Variants in ITSN1 observed in about 807,000 individuals in gnomAD.
ITSN1 encodes intersectin 1.
ITSN1 carries 58 observed loss-of-function variants against 239.8 expected under a neutral mutation model. That is an observed-to-expected ratio of 0.24 (90% CI 0.20 to 0.30). The LOEUF is 0.30. Ranked by LOEUF, ITSN1 falls within the 10% of genes least tolerant of loss-of-function variation. ITSN1 has a pLI of 1.00. For missense variants in ITSN1, 1,558 were observed against 2,103.3 expected (o/e 0.74, Z 5.07); for synonymous variants, 780 against 770.8 (o/e 1.01, Z -0.20).
intron 1 of ITSN1, among the ~76,000 whole-genome samples, chr21:33,645,602 A>T (rs895705514): frequency 6.6e-6 from 1 of 152,172 alleles, no homozygotes; most frequent in Non-Finnish European, 1.5e-5. Context: ...GTGAGCCATG[A>T]TTGCCCTACT....
intron 31 of ITSN1, among the ~76,000 whole-genome samples, chr21:33,862,164 C>CAAAAAAAAA (rs59129090): frequency 1.3e-5 from 1 of 79,818 alleles, no homozygotes; most frequent in African/African-American, 5.4e-5. Context: ...GACTGTGTCA[C>CAAAAAAAAA]AAAAAAAAAA....
At chr21:33,723,053 GAGTT>G (rs1194748444) in intron 4 of ITSN1, among the ~76,000 whole-genome samples, 1 of 152,168 alleles carries the variant, frequency 6.6e-6, no homozygotes, top group Non-Finnish European at 1.5e-5. Context: ...AAATATTTGA[GAGTT>G]AGTGCATGGT....
intron 1 of ITSN1, among the ~76,000 whole-genome samples, chr21:33,694,443 AT>A (rs2091700859): frequency 6.6e-6 from 1 of 152,182 alleles, no homozygotes; most frequent in Admixed American, 6.5e-5. Flanking sequence ...ATATCTTTGT[AT>A]TTTGGATTAT....
intron 4 of ITSN1, among the ~76,000 whole-genome samples, chr21:33,724,753 C>G (rs1355813066): frequency 6.6e-6 from 1 of 152,120 alleles, no homozygotes; most frequent in Non-Finnish European, 1.5e-5. Context: ...AATAACAACA[C>G]AAAAATTGTC....
intron 1 of ITSN1, among the ~76,000 whole-genome samples, chr21:33,663,277 G>A (rs2089692784): frequency 6.6e-6 from 1 of 152,188 alleles, no homozygotes; most frequent in African/African-American, 2.4e-5. Context: ...GTTTTATTAT[G>A]AGATATATTA....
At chr21:33,669,485 G>A (rs1245531335) in intron 1 of ITSN1, among the ~76,000 whole-genome samples, 1 of 151,252 alleles carries the variant, frequency 6.6e-6, no homozygotes, top group Non-Finnish European at 1.5e-5. Context: ...TGTCACCCAG[G>A]CTGGAGTGTC....
At chr21:33,837,639 T>C (rs2074668380) in intron 29 of ITSN1, 1 of 985,910 alleles carries the variant, frequency 1.0e-6, no homozygotes, top group South Asian at 4.7e-5. Context: ...CAGCTGTACC[T>C]TGTTGAGCAT....
chr21:33,656,922 T>C (rs986946181), intron 1 of ITSN1, among the ~76,000 whole-genome samples: 2 of 152,150 alleles, frequency 1.3e-5, no homozygotes, highest in African/African-American at 2.4e-5. Context: ...GGTTTTACCA[T>C]GTTGGCCAGG....
At chr21:33,754,501 G>T (rs1193556599) in intron 7 of ITSN1, among the ~76,000 whole-genome samples, 1 of 152,182 alleles carries the variant, frequency 6.6e-6, no homozygotes, top group Non-Finnish European at 1.5e-5. Context: ...TCTGAGCTCA[G>T]CCATTGGGTT....
intron 11 of ITSN1, among the ~76,000 whole-genome samples, chr21:33,769,663 C>A (rs1276482376): frequency 6.6e-6 from 1 of 151,458 alleles, no homozygotes; most frequent in African/African-American, 2.4e-5. Flanking sequence ...GGAGACAGAT[C>A]TCTCCTCTCT....
chr21:33,871,778 G>A (rs149117382), intron 33 of ITSN1, among the ~76,000 whole-genome samples: 1 of 151,988 alleles, frequency 6.6e-6, no homozygotes, highest in Non-Finnish European at 1.5e-5. Context: ...AGAACTTGAA[G>A]TTGCTGAGAG....
At chr21:33,718,922 G>A in intron 2 of ITSN1, 66 bp downstream of exon 2, 1 of 1,241,844 alleles carries the variant, frequency 8.1e-7, no homozygotes, top group Non-Finnish European at 1.2e-6. Context: ...TTGATATTAT[G>A]GCAAATTTAA....
intron 33 of ITSN1, among the ~76,000 whole-genome samples, chr21:33,867,539 G>T (rs1417424681): frequency 1.3e-5 from 2 of 151,930 alleles, no homozygotes; most frequent in East Asian, 3.9e-4. Flanking sequence ...GGTGGCCCGC[G>T]CCTGTAATCC....
At chr21:33,842,168 T>C (rs1017311191) in intron 29 of ITSN1, among the ~76,000 whole-genome samples, 5 of 152,052 alleles carry the variant, frequency 3.3e-5, no homozygotes, top group Non-Finnish European at 7.4e-5. Context: ...GTGCTGGGAT[T>C]ACAGGCGTGA....
intron 4 of ITSN1, among the ~76,000 whole-genome samples, chr21:33,724,342 A>T (rs2065687458): frequency 6.6e-6 from 1 of 152,222 alleles, no homozygotes; most frequent in Admixed American, 6.5e-5. Flanking sequence ...GTAAAGTAAG[A>T]TGCTCAGATG....
intron 4 of ITSN1, among the ~76,000 whole-genome samples, chr21:33,731,608 C>T (rs2066188344): frequency 3.9e-5 from 6 of 152,110 alleles, no homozygotes; most frequent in Admixed American, 3.9e-4. Flanking sequence ...GAAAAGAATA[C>T]ACAATGACCA....
intron 29 of ITSN1, chr21:33,836,848 T>C: frequency 1.6e-6 from 1 of 620,542 alleles, no homozygotes; most frequent in Non-Finnish European, 2.8e-6. Flanking sequence ...GCATGTCCCC[T>C]CCCTCCCCTC....
In ITSN1 at chr21:33,875,204, T is replaced by C. The variant is rs1050084943; in HGVS notation, c.4174-150T>C. On this transcript the variant is annotated intron_variant, in intron 33 of 39. Coordinates refer to ENST00000381318, the MANE Select transcript of ITSN1 (RefSeq NM_003024.3). ...GCCGTCATCTGCTACGTGATTGCCATGTGGGTGCTCAGAGCTGCGATTGCT... is the reference window on the plus strand; with the variant it reads ...GCCGTCATCTGCTACGTGATTGCCACGTGGGTGCTCAGAGCTGCGATTGCT... 158 of 748,692 alleles carry C rather than the reference T, an allele frequency of 2.1e-4. 1 individual carries two copies. In the East Asian group the frequency reaches 4.2e-3, roughly 20 times the overall value. The allele number at this position is 748,692 out of a possible 1,614,324, so 46.4% of individuals were successfully genotyped here. A position where few individuals can be genotyped will look rare whatever the true frequency, so the allele number is the denominator to read the frequency against.
In ITSN1 at chr21:33,683,188, CT is replaced by C. The variant is rs904090227; in HGVS notation, c.-32-35597del. Among the ~76,000 whole-genome samples, 872 of 145,282 alleles carry C rather than the reference CT, an allele frequency of 6.0e-3. 9 individuals carry two copies. Among genetic ancestry groups the C allele is most frequent in the African/African-American group, 0.019 (765 of 39,954 alleles). On this transcript the variant is annotated intron_variant, in intron 1 of 39. Coordinates refer to ENST00000381318, the MANE Select transcript of ITSN1 (RefSeq NM_003024.3). ...CAGCTCCTGGGGAATCAGGCGCTGA[CT>C]TTTTTTTTTTTCCTCCTGCTTTTAC... is the stretch of plus-strand genomic sequence containing the variant.
Sources: gnomAD v4.1 joint callset for allele counts (sites outside exome capture counted in the v4.1 genomes callset) on GRCh38, gnomAD v4.1.1 for gene constraint, MANE v1.5 for transcripts, NCBI Gene and HGNC (gene_info 2026-07-23, HGNC 2026-07-21) for gene names.